Variants in ARFGAP1 observed in about 807,000 individuals in gnomAD.
ARFGAP1 encodes the protein ARF GTPase activating protein 1.
ARFGAP1 carries 26 observed loss-of-function variants against 54.0 expected under a neutral mutation model. That is an observed-to-expected ratio of 0.48 (90% CI 0.35 to 0.67). ARFGAP1 has a LOEUF of 0.67. Among genes scored for constraint, ARFGAP1 ranks in the 30% least tolerant of loss-of-function variants. ARFGAP1 has a pLI of 0.00. For synonymous variants in ARFGAP1, 248 were observed against 211.9 expected (o/e 1.17, Z -1.48); for missense variants, 525 against 535.8 (o/e 0.98, Z 0.20).
At chr20:63,280,862 A>G (rs1486781419) in intron 7 of ARFGAP1, among the ~76,000 whole-genome samples, 1 of 152,200 alleles carries the variant, frequency 6.6e-6, no homozygotes, top group Non-Finnish European at 1.5e-5. Context: ...AGCTTTAATT[A>G]TCTTGAGAGG....
Position 63,288,978 on chromosome 20 carries a change from G to A in ARFGAP1, c.*1105G>A, listed in dbSNP as rs1411932062. 1.5e-5 allele frequency: 3 copies of A among 198,888 alleles called. No individual in the cohort carries two copies. The highest frequency in any genetic ancestry group is 4.5e-5 in the African/African-American group (2 of 44,078). 12.3% of individuals were successfully genotyped at this position (198,888 alleles called of 1,614,324 possible). On this transcript the variant is annotated 3_prime_UTR_variant, in exon 13 of 13. Coordinates refer to ENST00000370283, the MANE Select transcript of ARFGAP1 (RefSeq NM_018209.4). ...CTGGTCACCCCACTTCCCGGTCGCC[G>A]TCTGCAGCACTCCTGGAGCAGCCTG...
rs2067238314 is a variant in ARFGAP1 at position 63,276,386 on chromosome 20, G to T, written c.171-94G>T. On this transcript the variant is annotated intron_variant, in intron 3 of 12. Coordinates refer to ENST00000370283, the MANE Select transcript of ARFGAP1 (RefSeq NM_018209.4). This position sits in a 1 kb window ranked among gnomAD's most constrained non-coding sequence, Gnocchi z 5.2. ...GCCACTCAGCCTCCCTGCGGCTGCT[G>T]CTTGCTGTGTCTAATTCTCAGGACG... 6.6e-7 allele frequency: 1 copy of T among 1,509,682 alleles called. No homozygotes were observed. Among genetic ancestry groups the T allele is most frequent in the Non-Finnish European group, 9.0e-7 (1 of 1,108,386 alleles). 93.5% of individuals were successfully genotyped at this position (1,509,682 alleles called of 1,614,324 possible).
At chr20:63,285,524 G>T (rs2067508862) in intron 10 of ARFGAP1, 130 bp from the exon 11 acceptor site, 2 of 956,186 alleles carry the variant, frequency 2.1e-6, no homozygotes, top group Non-Finnish European at 3.3e-6. Context: ...ACTTTCTGGG[G>T]CTCAGCCTGA....
chr20:63,279,864 T>G lies in ARFGAP1; in HGVS notation c.627+869T>G, dbSNP rs141188636. ...ATCTTTAAAAAATGATTTTTGTAGG[T>G]GTGATGGCTCACGCCTGTAATCCCA... On this transcript the variant is annotated intron_variant, in intron 7 of 12. Coordinates refer to ENST00000370283, the MANE Select transcript of ARFGAP1 (RefSeq NM_018209.4). Among the ~76,000 whole-genome samples the G allele has an allele frequency of 1.9e-4, 29 of 152,248 alleles. 1 individual carries two copies. The East Asian group carries it at 5.6e-3, about 29-fold the overall frequency.
intron 8 of ARFGAP1, among the ~76,000 whole-genome samples, chr20:63,282,050 T>G (rs1044913173): frequency 2.7e-5 from 4 of 146,564 alleles, no homozygotes; most frequent in African/African-American, 7.6e-5. Flanking sequence ...GTCACAGCGC[T>G]CACCTGTCAC....
intron 11 of ARFGAP1, chr20:63,285,983 C>T: frequency 6.6e-7 from 1 of 1,523,066 alleles, no homozygotes; most frequent in Non-Finnish European, 8.8e-7. Flanking sequence ...AAGTAAGTGC[C>T]AGCGCCGTCT....
chr20:63,283,664 G>T (rs966999293), intron 9 of ARFGAP1: 9 of 579,222 alleles, frequency 1.6e-5, no homozygotes, highest in Non-Finnish European at 2.4e-5. Flanking sequence ...AGTCGCTCGC[G>T]CAGTTTCTGA....
At chr20:63,277,454 A>G (rs1005238686) in intron 5 of ARFGAP1, 149 bp downstream of exon 5, 3 of 681,956 alleles carry the variant, frequency 4.4e-6, no homozygotes, top group African/African-American at 1.8e-5. Flanking sequence ...AAAATTGCCA[A>G]AACAATACAA....
intron 7 of ARFGAP1, 115 bp downstream of exon 7, chr20:63,279,110 A>T: frequency 9.4e-7 from 1 of 1,061,260 alleles, no homozygotes; most frequent in Non-Finnish European, 1.4e-6. Flanking sequence ...CCTTGTTCTG[A>T]TCTAAGGACC....
In ARFGAP1 at chr20:63,288,421, T is replaced by G. The variant is rs1384121742; in HGVS notation, c.*548T>G. On this transcript the variant is annotated 3_prime_UTR_variant, in exon 13 of 13. Transcript: ENST00000370283. Reference sequence around the variant, plus strand: ...CTCGGCTCCCGAGTCCACGCCTGCCTGGGCCTGTGCTGTCAGACCCGCGTC... The same window carrying G: ...CTCGGCTCCCGAGTCCACGCCTGCCGGGGCCTGTGCTGTCAGACCCGCGTC... 4.4e-6 allele frequency: 2 copies of G among 456,058 alleles called. No homozygotes were observed. Among genetic ancestry groups the G allele is most frequent in the African/African-American group, 4.0e-5 (2 of 50,074 alleles). 28.3% of individuals were successfully genotyped at this position (456,058 alleles called of 1,614,324 possible). A position where few individuals can be genotyped will look rare whatever the true frequency, so the allele number is the denominator to read the frequency against.
chr20:63,286,210 T>C, intron 11 of ARFGAP1, 156 bp from the exon 12 acceptor site: 2 of 1,549,264 alleles, frequency 1.3e-6, no homozygotes, highest in Non-Finnish European at 1.7e-6. Context: ...GGCCGGGGCG[T>C]CTGTGTCTGT....
intron 11 of ARFGAP1, 147 bp from the exon 12 acceptor site, chr20:63,286,219 G>T (rs2067536643): frequency 1.9e-6 from 3 of 1,547,696 alleles, no homozygotes; most frequent in Non-Finnish European, 2.6e-6. Context: ...GTCTGTGTCT[G>T]TACGTGTGTG....
chr20:63,286,685 G>T (rs2067562656), intron 12 of ARFGAP1: 1 of 535,670 alleles, frequency 1.9e-6, no homozygotes, highest in African/African-American at 1.9e-5. Context: ...TGCAGCTGCA[G>T]AGGCCTGTCC....
chr20:63,278,889 T>A lies in ARFGAP1; in HGVS notation c.531-10T>A. ...CAGCATCTTCGGCCTCTTGTCCGCT[T>A]TGTTTTCAGGGCCCAGGGGAATCGC... On this transcript the variant is annotated splice_polypyrimidine_tract_variant and intron_variant, in intron 6 of 12. Coordinates refer to ENST00000370283, the MANE Select transcript of ARFGAP1 (RefSeq NM_018209.4). The A allele has an allele frequency of 6.2e-7, 1 of 1,614,028 alleles. No homozygotes were observed.
Position 63,287,808 on chromosome 20 carries a change from G to A in ARFGAP1, c.1156G>A (p.Gly386Ser), listed in dbSNP as rs764349148. The A allele has an allele frequency of 6.3e-7, 1 of 1,595,986 alleles. No individual in the cohort carries two copies. Among genetic ancestry groups the A allele is most frequent in the East Asian group, 2.3e-5 (1 of 44,194 alleles). The part of the protein sequence containing the change: ...SNSDGGEGGE[G>S]TKKAVPPAVP... ...CAGCGACGGCGGGGAGGGCGGGGAG[G>A]GCACCAAGAAGGCAGTGCCGCCGGC... is the stretch of plus-strand genomic sequence containing the variant. The change falls in exon 13 of 13, where the codon GGC (glycine) becomes AGC (serine). Residue 386 changes from glycine to serine, a missense_variant. This residue lies in a region of ARFGAP1 where 466 missense variants were observed against 453.6 expected (regional missense o/e 1.03). Coordinates refer to ENST00000370283, the MANE Select transcript of ARFGAP1 (RefSeq NM_018209.4).
At position 63,282,792 on chromosome 20, in the gene ARFGAP1, A is replaced by G. The variant is rs762059783; in HGVS notation, c.685-27A>G. 20 of 1,613,836 alleles carry G rather than the reference A, an allele frequency of 1.2e-5. No individual in the cohort carries two copies. The African/African-American group carries it at 2.5e-4, about 20-fold the overall frequency. ...CCTGGCAGCCCATGTTAAGTCTGTC[A>G]AGCCTTGTCTTTGTTTTTCATTTTA... On this transcript the variant is annotated intron_variant, in intron 8 of 12. Transcript: ENST00000370283.
intron 2 of ARFGAP1, 130 bp from the exon 3 acceptor site, chr20:63,275,961 G>A: frequency 1.3e-6 from 1 of 790,492 alleles, no homozygotes; most frequent in Non-Finnish European, 2.2e-6. Flanking sequence ...CTCACGCCTT[G>A]CCCTGACCCA....
intron 9 of ARFGAP1, chr20:63,283,825 A>G (rs778806757): frequency 5.0e-6 from 8 of 1,612,184 alleles, no homozygotes; most frequent in Non-Finnish European, 6.8e-6. Context: ...CTCTCTCCTC[A>G]CCTGTCTTCT....
intron 1 of ARFGAP1, chr20:63,273,874 G>T: frequency 6.6e-6 from 1 of 152,380 alleles, no homozygotes; most frequent in Non-Finnish European, 1.5e-5. Flanking sequence ...CATGTGCCGT[G>T]GTTCTGCACA....
Sources: gnomAD v4.1 joint callset for allele counts (sites outside exome capture counted in the v4.1 genomes callset) on GRCh38, gnomAD v4.1.1 for gene constraint, gnomAD v4.1.1 regional missense constraint, Gnocchi (gnomAD v3.1) non-coding constraint, MANE v1.5 for transcripts, NCBI Gene and HGNC (gene_info 2026-07-23, HGNC 2026-07-21) for gene names.